Variants in HS3ST4 observed in about 807,000 individuals in gnomAD.
HS3ST4 encodes heparan sulfate glucosamine 3-O-sulfotransferase 4.
HS3ST4 carries 17 observed loss-of-function variants against 29.2 expected under a neutral mutation model. That is an observed-to-expected ratio of 0.58 (90% CI 0.40 to 0.87). HS3ST4 has a LOEUF of 0.87. HS3ST4 is among the 40% of genes least tolerant of loss of function. The probability of loss-of-function intolerance (pLI) is 0.00; values close to 1 mark genes in which losing one functional copy is unlikely to be tolerated. For missense variants in HS3ST4, 627 were observed against 634.5 expected (o/e 0.99, Z 0.13); for synonymous variants, 314 against 285.7 (o/e 1.10, Z -1.00).
chr16:25,937,597 C>T (rs889225280), intron 1 of HS3ST4, among the ~76,000 whole-genome samples: 3 of 151,994 alleles, frequency 2.0e-5, no homozygotes, highest in African/African-American at 7.2e-5. Flanking sequence ...TGTAGAGTGT[C>T]CTGGCGAGAG....
intron 1 of HS3ST4, among the ~76,000 whole-genome samples, chr16:26,049,393 CTACATCCGGA>C (rs1898308858): frequency 7.8e-6 from 1 of 128,944 alleles, no homozygotes; most frequent in Non-Finnish European, 1.8e-5. Flanking sequence ...ATCCGGAGGT[CTACATCCGGA>C]GAATGATGTG....
intron 1 of HS3ST4, among the ~76,000 whole-genome samples, chr16:26,080,211 C>T (rs1162744302): frequency 6.6e-6 from 1 of 152,026 alleles, no homozygotes; most frequent in Admixed American, 6.5e-5. Flanking sequence ...TCCTTCCGTC[C>T]CTCACCAACC....
At chr16:25,771,732 G>A (rs527365781) in intron 1 of HS3ST4, among the ~76,000 whole-genome samples, 19 of 152,308 alleles carry the variant, frequency 1.2e-4, no homozygotes, top group Admixed American at 5.2e-4. Flanking sequence ...GTTTATTGCA[G>A]TCTCCTCAAT....
intron 1 of HS3ST4, among the ~76,000 whole-genome samples, chr16:25,879,535 A>G (rs9928332): frequency 0.16 from 23,761 of 151,994 alleles, 3,542 homozygotes; most frequent in African/African-American, 0.39. Flanking sequence ...AGACTTATTC[A>G]CTGTCAGGAG....
At chr16:25,843,451 T>C (rs1967435884) in intron 1 of HS3ST4, among the ~76,000 whole-genome samples, 1 of 152,210 alleles carries the variant, frequency 6.6e-6, no homozygotes, top group Non-Finnish European at 1.5e-5. Flanking sequence ...AGGCTGTTCA[T>C]GACCTAGCCT....
At chr16:26,119,553 C>T (rs1181013182) in intron 1 of HS3ST4, among the ~76,000 whole-genome samples, 1 of 152,108 alleles carries the variant, frequency 6.6e-6, no homozygotes, top group Non-Finnish European at 1.5e-5. Flanking sequence ...CTGGAGTGGG[C>T]ACGACCTGGC....
chr16:25,700,321 G>A (rs1012935373), intron 1 of HS3ST4, among the ~76,000 whole-genome samples: 8 of 152,172 alleles, frequency 5.3e-5, no homozygotes, highest in African/African-American at 1.4e-4. Flanking sequence ...AGGAATGGAT[G>A]CCACTTGCCC....
chr16:26,072,695 TA>T (rs1478688729), intron 1 of HS3ST4, among the ~76,000 whole-genome samples: 2 of 152,224 alleles, frequency 1.3e-5, no homozygotes, highest in African/African-American at 4.8e-5. Context: ...ATCTTTGAGT[TA>T]TTTTTTGTGT....
chr16:26,078,324 T>C (rs1201473187), intron 1 of HS3ST4, among the ~76,000 whole-genome samples: 2 of 152,038 alleles, frequency 1.3e-5, no homozygotes, highest in African/African-American at 2.4e-5. Context: ...TGTGTGTGTA[T>C]TTTTTAGTAG....
At chr16:25,964,161 T>G (rs7201009) in intron 1 of HS3ST4, among the ~76,000 whole-genome samples, 30,083 of 148,836 alleles carry the variant, frequency 0.2, 3,667 homozygotes, top group African/African-American at 0.34. Flanking sequence ...AGTGACAAGA[T>G]TGAAACTCCA....
intron 1 of HS3ST4, among the ~76,000 whole-genome samples, chr16:26,043,019 G>A (rs576785529): frequency 3.3e-5 from 5 of 152,242 alleles, no homozygotes; most frequent in Admixed American, 6.5e-5. Context: ...AAAACAAATA[G>A]TACCCAAGAG....
At chr16:25,980,817 G>A (rs1004485870) in intron 1 of HS3ST4, among the ~76,000 whole-genome samples, 3 of 152,150 alleles carry the variant, frequency 2.0e-5, no homozygotes, top group Admixed American at 1.3e-4. Context: ...GGCCATATGG[G>A]GAAGAACTAG....
intron 1 of HS3ST4, among the ~76,000 whole-genome samples, chr16:25,697,879 G>C (rs1966309206): frequency 6.6e-6 from 1 of 152,026 alleles, no homozygotes; most frequent in South Asian, 2.1e-4. Flanking sequence ...CACCATGTTG[G>C]CCAGGATGGT....
chr16:25,814,515 T>C (rs1967073351), intron 1 of HS3ST4, among the ~76,000 whole-genome samples: 1 of 152,002 alleles, frequency 6.6e-6, no homozygotes, highest in South Asian at 2.1e-4. Flanking sequence ...CCCAGCTAAT[T>C]TTTCTATCTT....
At position 25,807,515 on chromosome 16, in the gene HS3ST4, G is replaced by A. The variant is rs561435575; in HGVS notation, c.734+114364G>A. Among the ~76,000 whole-genome samples, 3 of 152,238 alleles carry A rather than the reference G, an allele frequency of 2.0e-5. No homozygotes were observed. In the South Asian group the frequency reaches 6.2e-4, roughly 32 times the overall value. ...AGTTACTTCTTTTTATTACTAAGTGGTATTCCATAATATTGATGTAGCCCA... is the reference window on the plus strand; with the variant it reads ...AGTTACTTCTTTTTATTACTAAGTGATATTCCATAATATTGATGTAGCCCA... On this transcript the variant is annotated intron_variant, in intron 1 of 1. Coordinates refer to ENST00000331351, the MANE Select transcript of HS3ST4 (RefSeq NM_006040.3).
chr16:25,831,761 T>A (rs1438803315), intron 1 of HS3ST4, among the ~76,000 whole-genome samples: 1 of 152,028 alleles, frequency 6.6e-6, no homozygotes, highest in Non-Finnish European at 1.5e-5. Context: ...GTTGAATGAA[T>A]GAGTGCACAA....
chr16:25,859,458 G>A (rs1324923986), intron 1 of HS3ST4, among the ~76,000 whole-genome samples: 1 of 152,128 alleles, frequency 6.6e-6, no homozygotes, highest in Non-Finnish European at 1.5e-5. Flanking sequence ...TTCTTGATGT[G>A]CCCTACAACA....
chr16:25,957,891 G>A (rs1176555933), intron 1 of HS3ST4, among the ~76,000 whole-genome samples: 1 of 152,122 alleles, frequency 6.6e-6, no homozygotes, highest in Non-Finnish European at 1.5e-5. Flanking sequence ...GGATCAACAG[G>A]TGGCTGTTGG....
At chr16:25,771,141 C>G (rs1006683423) in intron 1 of HS3ST4, among the ~76,000 whole-genome samples, 1 of 152,080 alleles carries the variant, frequency 6.6e-6, no homozygotes, top group African/African-American at 2.4e-5. Flanking sequence ...CCTTCCCTTG[C>G]CCCCCACACC....
Sources: allele counts gnomAD v4.1 joint callset (sites outside exome capture counted in the v4.1 genomes callset), GRCh38; gene constraint gnomAD v4.1.1; transcripts MANE v1.5; gene names NCBI Gene and HGNC (gene_info 2026-07-23, HGNC 2026-07-21).